Variants in D2HGDH observed in about 807,000 individuals in gnomAD.
D2HGDH encodes D-2-hydroxyglutarate dehydrogenase, mitochondrial.
D2HGDH carries 31 observed loss-of-function variants against 46.9 expected under a neutral mutation model. The observed-to-expected ratio is 0.66, with a 90% CI of 0.50 to 0.89. The LOEUF (loss-of-function observed/expected upper bound fraction) is 0.89. D2HGDH is among the 40% of genes least tolerant of loss of function. The pLI is 0.00. For missense variants in D2HGDH, 698 were observed against 720.8 expected (o/e 0.97, Z 0.36); for synonymous variants, 364 against 332.6 (o/e 1.09, Z -1.03).
At chr2:241,754,138 G>A (rs1329248711) in intron 8 of D2HGDH, among the ~76,000 whole-genome samples, 1 of 152,236 alleles carries the variant, frequency 6.6e-6, no homozygotes, top group Non-Finnish European at 1.5e-5. Context: ...GACAAGGGTA[G>A]AGCCCATCTT....
chr2:241,752,440 C>T (rs1270221806), intron 8 of D2HGDH, among the ~76,000 whole-genome samples: 1 of 152,096 alleles, frequency 6.6e-6, no homozygotes, highest in Non-Finnish European at 1.5e-5. Flanking sequence ...CAGTCAGCTC[C>T]CTTACATTCT....
intron 6 of D2HGDH, chr2:241,748,857 A>G: frequency 7.8e-7 from 1 of 1,282,640 alleles, no homozygotes; most frequent in Non-Finnish European, 1.0e-6. Context: ...ATCCCACTCC[A>G]ACTGCAGTCA....
At chr2:241,756,858 T>C (rs1698238112) in intron 9 of D2HGDH, among the ~76,000 whole-genome samples, 1 of 151,880 alleles carries the variant, frequency 6.6e-6, no homozygotes, top group South Asian at 2.1e-4. Context: ...TGGAGCGAGG[T>C]GTCTAAAAGG....
intron 8 of D2HGDH, chr2:241,755,529 A>G: frequency 7.3e-7 from 1 of 1,376,662 alleles, no homozygotes; most frequent in Non-Finnish European, 9.7e-7. Flanking sequence ...GAGGTGTCCC[A>G]GCCGCCTGAT....
At chr2:241,744,987 C>T in intron 6 of D2HGDH, 110 bp downstream of exon 6, 2 of 1,354,738 alleles carry the variant, frequency 1.5e-6, no homozygotes, top group East Asian at 2.3e-5. Flanking sequence ...CCGCCAAGGA[C>T]AGTCGGTTCC....
intron 2 of D2HGDH, among the ~76,000 whole-genome samples, chr2:241,737,212 C>G (rs916759331): frequency 6.6e-6 from 1 of 152,184 alleles, no homozygotes; most frequent in Non-Finnish European, 1.5e-5. Flanking sequence ...CATCGTGATC[C>G]GCCTGCCTCG....
At chr2:241,740,088 T>G (rs1275530142) in intron 2 of D2HGDH, among the ~76,000 whole-genome samples, 2 of 152,168 alleles carry the variant, frequency 1.3e-5, no homozygotes, top group Non-Finnish European at 2.9e-5. Context: ...GAGGCTGCAG[T>G]GAGCTGTGAT....
intron 9 of D2HGDH, among the ~76,000 whole-genome samples, chr2:241,765,092 C>A (rs534462087): frequency 5.9e-5 from 9 of 152,320 alleles, no homozygotes; most frequent in African/African-American, 2.2e-4. Context: ...AGGGGCGACA[C>A]CCATGGGGGT....
At position 241,768,013 on chromosome 2, in the gene D2HGDH, T is replaced by A; in HGVS notation, c.*44T>A. 6.5e-7 allele frequency: 1 copy of A among 1,541,668 alleles called. No individual in the cohort carries two copies. Among genetic ancestry groups the A allele is most frequent in the South Asian group, 1.2e-5 (1 of 84,666 alleles). On this transcript the variant is annotated 3_prime_UTR_variant, in exon 10 of 10. Transcript: ENST00000321264. ...CCAAGGCCCACTGGGGGTCGGCGGG[T>A]GGCTCTCGGGCGGGGGTGTTGCGGT...
At chr2:241,744,995 T>G in intron 6 of D2HGDH, 118 bp downstream of exon 6, 311 of 1,328,602 alleles carry the variant, frequency 2.3e-4, no homozygotes, top group Non-Finnish European at 3.0e-4. Context: ...GACAGTCGGT[T>G]CCCGTGTCTC....
chr2:241,736,308 G>A (rs1692801594), intron 2 of D2HGDH: 1 of 152,262 alleles, frequency 6.6e-6, no homozygotes, highest in African/African-American at 2.4e-5. Flanking sequence ...TTCCAGCCTG[G>A]GCAACAGAGC....
At chr2:241,763,399 C>T (rs886510915) in intron 9 of D2HGDH, among the ~76,000 whole-genome samples, 1 of 152,042 alleles carries the variant, frequency 6.6e-6, no homozygotes. Flanking sequence ...AGAAAAGGGA[C>T]CGTAAAAGTA....
intron 8 of D2HGDH, chr2:241,754,754 C>T: frequency 4.0e-6 from 1 of 252,762 alleles, no homozygotes. Context: ...CAGGTGCCCA[C>T]CACCAAACCC....
At chr2:241,744,973 C>T (rs916048723) in intron 6 of D2HGDH, 96 bp downstream of exon 6, 61 of 1,444,782 alleles carry the variant, frequency 4.2e-5, no homozygotes, top group East Asian at 4.1e-4. Flanking sequence ...GATGGAGGGA[C>T]CCCCCGCCAA....
chr2:241,768,060 A>G lies in D2HGDH; in HGVS notation c.*91A>G. The G allele has an allele frequency of 6.8e-7, 1 of 1,473,602 alleles. No homozygotes were observed. The highest frequency in any genetic ancestry group is 9.0e-7 in the Non-Finnish European group (1 of 1,108,804). 91.3% of individuals were successfully genotyped at this position (1,473,602 alleles called of 1,614,324 possible). A position where few individuals can be genotyped will look rare whatever the true frequency, so the allele number is the denominator to read the frequency against. The stretch of plus-strand genomic sequence containing the variant: ...CGGTGGCTCTGAGGGATGAGCCGGC[A>G]GTGGGCAGGGGACCAGGCACCTGGT... On this transcript the variant is annotated 3_prime_UTR_variant, in exon 10 of 10. Transcript: ENST00000321264.
chr2:241,750,444 C>A, intron 7 of D2HGDH, 150 bp downstream of exon 7: 1 of 971,138 alleles, frequency 1.0e-6, no homozygotes, highest in Non-Finnish European at 1.5e-6. Context: ...GGCCGTTGGG[C>A]TCATGTGTAA....
At chr2:241,763,505 C>T (rs574692135) in intron 9 of D2HGDH, among the ~76,000 whole-genome samples, 12 of 152,152 alleles carry the variant, frequency 7.9e-5, no homozygotes, top group African/African-American at 1.9e-4. Flanking sequence ...AGTGGGTGAG[C>T]GTGAGGGGTT....
Position 241,743,858 on chromosome 2 carries a change from G to A in D2HGDH, c.684+43G>A, listed in dbSNP as rs771247343. The A allele has an allele frequency of 1.2e-5, 18 of 1,550,702 alleles. No individual in the cohort carries two copies. Among genetic ancestry groups the A allele is most frequent in the Middle Eastern group, 2.3e-4 (1 of 4,372 alleles). ...CTTGGTGCAGAGGTCGCCACGGGGT[G>A]TCCTCTCACGGCTCTCATGGGCCCA... is the stretch of plus-strand genomic sequence containing the variant. On this transcript the variant is annotated intron_variant, in intron 5 of 9. Transcript: ENST00000321264. The surrounding 1 kb of genome is among the most constrained non-coding windows in gnomAD (Gnocchi z 4.8).
At chr2:241,751,464 T>G in intron 8 of D2HGDH, 76 bp downstream of exon 8, 1 of 1,585,928 alleles carries the variant, frequency 6.3e-7, no homozygotes, top group Non-Finnish European at 8.6e-7. Context: ...CCTGGAACGG[T>G]CATTGGTGCA....
Sources: allele counts gnomAD v4.1 joint callset (sites outside exome capture counted in the v4.1 genomes callset), GRCh38; gene constraint gnomAD v4.1.1; non-coding constraint Gnocchi (gnomAD v3.1); transcripts MANE v1.5; gene names NCBI Gene and HGNC (gene_info 2026-07-23, HGNC 2026-07-21).